FAAH2: variants seen among roughly 807,000 people sequenced by gnomAD.
FAAH2 encodes fatty acid amide hydrolase 2, also known as fatty-acid amide hydrolase 2.
A neutral mutation model predicts 36.9 loss-of-function variants in FAAH2; 60 were observed. The observed-to-expected ratio is 1.63, with a 90% CI of 1.32 to 2.02. FAAH2 has a LOEUF of 2.02. FAAH2 is among the 30% of genes most tolerant of loss of function. FAAH2 has a pLI of 0.00. For synonymous variants in FAAH2, 214 were observed against 143.8 expected, an observed-to-expected ratio of 1.49 and a Z score of -3.49; for missense variants, 689 against 397.5, an observed-to-expected ratio of 1.73 and a Z score of -6.23.
At chrX:57,341,032 G>T (rs1439254458) in intron 4 of FAAH2, among the ~76,000 whole-genome samples, 1 of 111,028 alleles carries the variant, frequency 9.0e-6, no homozygotes, top group Non-Finnish European at 1.9e-5. Context: ...CACAGACCCG[G>T]GGAAGAAATA....
At chrX:57,207,065 G>A in the FAAH2 span, among the ~76,000 whole-genome samples, 3 of 110,661 alleles carry the variant, frequency 2.7e-5, no homozygotes, top group African/African-American at 9.9e-5. Context: ...CTAAACCTTG[G>A]TGAGAACTTT....
the FAAH2 span, among the ~76,000 whole-genome samples, chrX:57,273,737 G>A: frequency 8.9e-6 from 1 of 111,799 alleles, no homozygotes; most frequent in African/African-American, 3.3e-5. Flanking sequence ...CAACGTACCA[G>A]AATCTCTGGA....
At chrX:57,394,080 C>T in intron 7 of FAAH2, 1 of 727,547 alleles carries the variant, frequency 1.4e-6, no homozygotes, top group South Asian at 2.1e-5. Flanking sequence ...GCCGCAGCAA[C>T]AAGGTTATTA....
At chrX:57,370,789 G>A (rs1031100017) in intron 5 of FAAH2, among the ~76,000 whole-genome samples, 2 of 111,800 alleles carry the variant, frequency 1.8e-5, no homozygotes, top group African/African-American at 3.3e-5. Context: ...AACTGAGTAT[G>A]CAGGGGATCT....
At chrX:57,195,371 T>C in the FAAH2 span, among the ~76,000 whole-genome samples, 1 of 112,067 alleles carries the variant, frequency 8.9e-6, no homozygotes, top group Non-Finnish European at 1.9e-5. Context: ...TGATGTGCAT[T>C]TTATAGCATG....
intron 10 of FAAH2, 123 bp downstream of exon 10, chrX:57,448,841 G>T: frequency 4.5e-6 from 3 of 667,039 alleles, no homozygotes; most frequent in South Asian, 5.7e-5. Flanking sequence ...AAAGTGCTGT[G>T]TGATTGAAAA....
chrX:57,254,197 AG>A, the FAAH2 span, among the ~76,000 whole-genome samples: 1 of 111,896 alleles, frequency 8.9e-6, no homozygotes, highest in Non-Finnish European at 1.9e-5. Flanking sequence ...ATAATGGTAA[AG>A]GGATCAATTC....
the FAAH2 span, among the ~76,000 whole-genome samples, chrX:57,173,557 G>A: frequency 9.0e-6 from 1 of 111,728 alleles, no homozygotes; most frequent in Admixed American, 9.5e-5. Flanking sequence ...CTATTTGGAT[G>A]CCCTTTATTT....
At chrX:57,344,199 A>G (rs1194611995) in intron 5 of FAAH2, among the ~76,000 whole-genome samples, 1 of 110,199 alleles carries the variant, frequency 9.1e-6, no homozygotes, top group Non-Finnish European at 1.9e-5. Context: ...ATTACTTTGG[A>G]AAGTATGGCA....
At chrX:57,281,379 A>T in the FAAH2 span, among the ~76,000 whole-genome samples, 1 of 111,804 alleles carries the variant, frequency 8.9e-6, no homozygotes, top group Non-Finnish European at 1.9e-5. Flanking sequence ...ACACTTATTA[A>T]GACACACCCA....
the FAAH2 span, among the ~76,000 whole-genome samples, chrX:57,207,095 T>G: frequency 1.8e-5 from 2 of 110,617 alleles, no homozygotes; most frequent in South Asian, 7.7e-4. Flanking sequence ...CTTGAAGTGA[T>G]TCCTTCAAAC....
intron 7 of FAAH2, among the ~76,000 whole-genome samples, chrX:57,422,489 A>G (rs1459443043): frequency 1.8e-5 from 2 of 112,284 alleles, no homozygotes; most frequent in Admixed American, 9.4e-5. Context: ...TGCTGAGTAT[A>G]TCTATTCAAA....
intron 2 of FAAH2, 69 bp from the exon 3 acceptor site, chrX:57,310,524 G>T: frequency 9.3e-7 from 1 of 1,079,357 alleles, no homozygotes; most frequent in Non-Finnish European, 1.2e-6. Context: ...GTTGATATGG[G>T]TATTCTTTTA....
chrX:57,448,697 C>G lies in FAAH2; in HGVS notation c.1402C>G (p.Pro468Ala), dbSNP rs1421047667. The G allele has an allele frequency of 8.3e-7, 1 of 1,208,692 alleles. No individual in the cohort carries two copies. The highest frequency in any genetic ancestry group is 3.0e-5 in the East Asian group (1 of 33,773). Residue 468 changes from proline (P) to alanine (A), a missense_variant, in exon 10 of 11, where the codon CCT (proline) becomes GCT (alanine). Transcript: ENST00000374900. Reference sequence around the variant, plus strand: ...TAAGCATCATGTCCCTCTAACACGGCCTTTCAACTTTGCTTACACAGGTAC... The same window carrying G: ...TAAGCATCATGTCCCTCTAACACGGGCTTTCAACTTTGCTTACACAGGTAC... ...APKHHVPLTR[P>A]FNFAYTGVFS...
chrX:57,313,046 C>G (rs904431315), intron 3 of FAAH2, among the ~76,000 whole-genome samples: 1 of 111,405 alleles, frequency 9.0e-6, no homozygotes, highest in African/African-American at 3.3e-5. Flanking sequence ...AACAACAAAA[C>G]AGAGCTTCTA....
chrX:57,203,141 G>T, the FAAH2 span, among the ~76,000 whole-genome samples: 2 of 111,933 alleles, frequency 1.8e-5, no homozygotes, highest in Non-Finnish European at 3.8e-5. Context: ...AGAGCTGAGA[G>T]CCCTGAACAG....
chrX:57,192,054 G>T, the FAAH2 span, among the ~76,000 whole-genome samples: 2 of 111,796 alleles, frequency 1.8e-5, no homozygotes, highest in African/African-American at 6.5e-5. Flanking sequence ...TCTATAGATT[G>T]CTTTGGGTAA....
chrX:57,471,525 C>T (rs1431646503), intron 10 of FAAH2, among the ~76,000 whole-genome samples: 1 of 111,451 alleles, frequency 9.0e-6, no homozygotes, highest in African/African-American at 3.3e-5. Context: ...CCTAGGAATC[C>T]AACTTACAAG....
chrX:57,250,133 T>C, the FAAH2 span, among the ~76,000 whole-genome samples: 3 of 111,855 alleles, frequency 2.7e-5, no homozygotes, highest in South Asian at 1.1e-3. Context: ...ATTGGAACCA[T>C]AATTGGAAGT....
Sources: allele counts gnomAD v4.1 joint callset (sites outside exome capture counted in the v4.1 genomes callset), GRCh38; gene constraint gnomAD v4.1.1; transcripts MANE v1.5; gene names NCBI Gene and HGNC (gene_info 2026-07-23, HGNC 2026-07-21).